Variants in TRAPPC8 observed in about 807,000 individuals in gnomAD.
The protein encoded by TRAPPC8 is general sporulation gene 1 homolog.
TRAPPC8 carries 54 observed loss-of-function variants against 174.3 expected under a neutral mutation model. The observed-to-expected ratio is 0.31, with a 90% confidence interval of 0.25 to 0.39. TRAPPC8 has a LOEUF of 0.39. TRAPPC8 is among the 10% of genes least tolerant of loss of function. The pLI, the probability that TRAPPC8 is intolerant of heterozygous loss-of-function variation, is 1.00. For missense variants in TRAPPC8, 1,531 were observed against 1,699.1 expected (o/e 0.90, Z 1.74); for synonymous variants, 630 against 579.9 (o/e 1.09, Z -1.24).
At chr18:31,937,701 A>G (rs2038166051) in intron 1 of TRAPPC8, 1 of 152,068 alleles carries the variant, frequency 6.6e-6, no homozygotes, top group South Asian at 2.1e-4. Context: ...ATCCTAGTCT[A>G]CTTTTTTTTG....
intron 12 of TRAPPC8, among the ~76,000 whole-genome samples, chr18:31,884,915 G>C (rs905195147): frequency 3.3e-5 from 5 of 150,966 alleles, no homozygotes; most frequent in Admixed American, 6.6e-5. Context: ...GTGCAGTGGC[G>C]CGATATCAGC....
chr18:31,921,979 C>T (rs1013873682), intron 2 of TRAPPC8, among the ~76,000 whole-genome samples: 5 of 152,106 alleles, frequency 3.3e-5, no homozygotes, highest in Admixed American at 2.6e-4. Flanking sequence ...AGTGCTTCTG[C>T]CTCTTTAAGA....
chr18:31,916,024 T>G (rs1598734086), intron 4 of TRAPPC8, among the ~76,000 whole-genome samples: 1 of 142,744 alleles, frequency 7.0e-6, no homozygotes, highest in South Asian at 2.2e-4. Flanking sequence ...GCCACTGCAC[T>G]CCAGCCTGGG....
chr18:31,880,122 T>TA (rs1491572903), intron 12 of TRAPPC8, among the ~76,000 whole-genome samples: 3,346 of 65,000 alleles, frequency 0.051, 52 homozygotes, highest in Non-Finnish European at 0.071. Context: ...TATATATATA[T>TA]TTTTTTTTTT....
At chr18:31,872,765 T>C (rs1017591032) in intron 14 of TRAPPC8, among the ~76,000 whole-genome samples, 1 of 152,098 alleles carries the variant, frequency 6.6e-6, no homozygotes, top group African/African-American at 2.4e-5. Flanking sequence ...TCTATATATA[T>C]CAAGTGGATG....
rs368032052 is a variant in TRAPPC8, at chr18:31,874,788, CAATT to C, written c.1729-88_1729-85del. ...ACAAATACAAACACACACATAGAAA[CAATT>C]AAGTAACTGGTTCTTCCTCTAAGGG... On this transcript the variant is annotated intron_variant, in intron 12 of 28. Transcript: ENST00000283351. 1.9e-5 allele frequency: 22 copies of C among 1,143,588 alleles called. No individual in the cohort carries two copies. The East Asian group carries it at 3.7e-4, about 19-fold the overall frequency. 70.8% of individuals were successfully genotyped at this position (1,143,588 alleles called of 1,614,324 possible).
chr18:31,857,404 T>C, intron 20 of TRAPPC8, 136 bp downstream of exon 20: 1 of 825,006 alleles, frequency 1.2e-6, no homozygotes, highest in Non-Finnish European at 1.7e-6. Context: ...TTTGAGACAA[T>C]TTCAGATATA....
intron 11 of TRAPPC8, among the ~76,000 whole-genome samples, chr18:31,895,237 T>C (rs890394001): frequency 2.6e-5 from 4 of 152,212 alleles, no homozygotes; most frequent in Non-Finnish European, 5.9e-5. Flanking sequence ...TCTCTTGATA[T>C]TATACAGCCT....
At chr18:31,878,831 T>C (rs748975689) in intron 12 of TRAPPC8, among the ~76,000 whole-genome samples, 58 of 152,066 alleles carry the variant, frequency 3.8e-4, no homozygotes, top group Admixed American at 7.9e-4. Flanking sequence ...GTTATTCTTG[T>C]TATCAAATAA....
intron 27 of TRAPPC8, among the ~76,000 whole-genome samples, chr18:31,834,186 T>C (rs183423534): frequency 6.6e-6 from 1 of 151,740 alleles, no homozygotes; most frequent in African/African-American, 2.4e-5. Flanking sequence ...CTTGGCTCAC[T>C]GCACCCTCAG....
intron 12 of TRAPPC8, among the ~76,000 whole-genome samples, chr18:31,886,944 G>C (rs911679049): frequency 6.6e-6 from 1 of 152,006 alleles, no homozygotes; most frequent in African/African-American, 2.4e-5. Context: ...TTGCACCACT[G>C]CACTCCAGCC....
intron 26 of TRAPPC8, among the ~76,000 whole-genome samples, chr18:31,846,218 A>G (rs2033393362): frequency 6.6e-6 from 1 of 152,192 alleles, no homozygotes; most frequent in Non-Finnish European, 1.5e-5. Context: ...AAATCAATTT[A>G]TGTTCACTTT....
At chr18:31,861,901 G>A (rs558421261) in intron 19 of TRAPPC8, among the ~76,000 whole-genome samples, 1 of 132,064 alleles carries the variant, frequency 7.6e-6, no homozygotes, top group Non-Finnish European at 1.6e-5. Context: ...CTTCAGCCTG[G>A]GTGACAGAGC....
At chr18:31,856,881 G>A (rs891073590) in intron 20 of TRAPPC8, among the ~76,000 whole-genome samples, 6 of 137,970 alleles carry the variant, frequency 4.3e-5, no homozygotes, top group African/African-American at 1.1e-4. Context: ...GTATAATCAC[G>A]GCTCTCTGTA....
At chr18:31,893,909 A>C (rs1394795875) in intron 11 of TRAPPC8, among the ~76,000 whole-genome samples, 1 of 152,214 alleles carries the variant, frequency 6.6e-6, no homozygotes, top group Non-Finnish European at 1.5e-5. Context: ...CTAAACTGCA[A>C]AACCTGGATG....
intron 21 of TRAPPC8, among the ~76,000 whole-genome samples, chr18:31,854,804 T>C (rs1433651547): frequency 6.6e-6 from 1 of 151,470 alleles, no homozygotes; most frequent in Admixed American, 6.6e-5. Context: ...CTGTCTCTAC[T>C]AAAAATACAA....
At chr18:31,873,007 CTTTTTTTTTTT>C (rs59209328) in intron 14 of TRAPPC8, among the ~76,000 whole-genome samples, 10 of 74,630 alleles carry the variant, frequency 1.3e-4, no homozygotes, top group East Asian at 4.5e-4. Context: ...ATTCATTTTC[CTTTTTTTTTTT>C]TTTTTTTTTT....
At position 31,854,004 on chromosome 18, in the gene TRAPPC8, C is replaced by T. The variant is rs114572898; in HGVS notation, c.3337-59G>A. 9.2e-4 allele frequency: 1,220 copies of T among 1,332,946 alleles called. 7 individuals are homozygous for T. The African/African-American group carries it at 0.016, about 17-fold the overall frequency. The allele number at this position is 1,332,946 out of a possible 1,614,324, so 82.6% of individuals were successfully genotyped here. ...TTAGAAGCACTAAATCAGAATGTTCCGATGAGAATAAAATTCAGACACTGC... is the reference window on the plus strand; with the variant it reads ...TTAGAAGCACTAAATCAGAATGTTCTGATGAGAATAAAATTCAGACACTGC... On this transcript the variant is annotated intron_variant, in intron 21 of 28. Transcript: ENST00000283351.
Position 31,857,662 on chromosome 18 carries a change from A to C in TRAPPC8, c.3066T>G (p.Thr1022=). The C allele has an allele frequency of 1.2e-6, 2 of 1,614,170 alleles. No homozygotes were observed. Among genetic ancestry groups the C allele is most frequent in the African/African-American group, 1.3e-5 (1 of 75,056 alleles). The stretch of plus-strand genomic sequence containing the variant: ...GCACTGAGGCTCCGGGTAGAAGAAC[A>C]GTGTCAGGAAGGGGAACAGGAATCA... ...PEVIPVPLPD[T]VLLPGASVQL... The change falls in exon 20 of 29, where the codon ACT becomes ACG. Residue 1022 remains threonine, a synonymous_variant. Coordinates refer to ENST00000283351, the MANE Select transcript of TRAPPC8 (RefSeq NM_014939.5).
Sources: gnomAD v4.1 joint callset for allele counts (sites outside exome capture counted in the v4.1 genomes callset) on GRCh38, gnomAD v4.1.1 for gene constraint, MANE v1.5 for transcripts, NCBI Gene and HGNC (gene_info 2026-07-23, HGNC 2026-07-21) for gene names.